The following USH2A variants were observed in gnomAD, a reference collection of about 807,000 sequenced individuals.
USH2A encodes the protein Usher syndrome 2A (autosomal recessive, mild).
In USH2A, 443 loss-of-function variants were observed where a neutral mutation model predicts 538.9. That is an observed-to-expected ratio of 0.82 (90% CI 0.76 to 0.89). The LOEUF (loss-of-function observed/expected upper bound fraction) is 0.89, where lower values mean the gene tolerates loss of function less well. Ranked by LOEUF, USH2A falls within the 40% of genes least tolerant of loss-of-function variation. The pLI is 0.00. For missense variants in USH2A, 6,633 were observed against 6,324.8 expected (o/e 1.05, Z -1.65); for synonymous variants, 2,413 against 2,273.5 (o/e 1.06, Z -1.75).
chr1:215,631,988 T>G (rs1403172670), intron 70 of USH2A, among the ~76,000 whole-genome samples: 18 of 152,152 alleles, frequency 1.2e-4, no homozygotes, highest in Non-Finnish European at 2.4e-4. Context: ...GCATACAGGT[T>G]TTGTATTATA....
Position 216,246,866 on chromosome 1 carries a change from A to G in USH2A, c.2528T>C (p.Leu843Pro). ...NFYLRQNNSF[L>P]CLPCNCDKTG... The stretch of plus-strand genomic sequence containing the variant: ...CTTATCACAGTTGCAAGGCAGACAG[A>G]GGAAAGAATTATTTTGCCGTAGGTA... The change falls in exon 13 of 72, where the codon CTC becomes CCC. Residue 843 changes from leucine (L) to proline (P), a missense_variant. Coordinates refer to ENST00000307340, the MANE Select transcript of USH2A (RefSeq NM_206933.4). 6.2e-7 allele frequency: 1 copy of G among 1,614,172 alleles called. No individual in the cohort carries two copies. Among genetic ancestry groups the G allele is most frequent in the Non-Finnish European group, 8.5e-7 (1 of 1,179,990 alleles).
At chr1:215,667,712 A>G (rs1341421043) in intron 64 of USH2A, among the ~76,000 whole-genome samples, 1 of 152,050 alleles carries the variant, frequency 6.6e-6, no homozygotes, top group African/African-American at 2.4e-5. Context: ...AAAGAAGAAG[A>G]AGGAAAAAAA....
chr1:215,867,038 G>A lies in USH2A; in HGVS notation c.8814C>T (p.His2938=), dbSNP rs1357106973. The change falls in exon 44 of 72, where the codon CAC becomes CAT. Residue 2938 remains histidine (H), a synonymous_variant. Transcript: ENST00000307340. Reference sequence around the variant, plus strand: ...TAGCCCACCTCACGTCGATGGCTGTGTGGTTAAGGACACTCGCAGTGAGAT... The same window carrying A: ...TAGCCCACCTCACGTCGATGGCTGTATGGTTAAGGACACTCGCAGTGAGAT... ...GANLTASVLN[H]TAIDVRWAKP... is the part of the protein sequence containing the mutation. The A allele has an allele frequency of 1.2e-6, 2 of 1,614,148 alleles. No homozygotes were observed. The highest frequency in any genetic ancestry group is 2.2e-5 in the East Asian group (1 of 44,874).
At position 216,121,867 on chromosome 1, in the gene USH2A, C is replaced by A. The variant is rs530365112; in HGVS notation, c.4628-24654G>T. Among the ~76,000 whole-genome samples, 6 of 152,220 alleles carry A rather than the reference C, an allele frequency of 3.9e-5. No homozygotes were observed. The East Asian group carries it at 1.2e-3, about 29-fold the overall frequency. On this transcript the variant is annotated intron_variant, in intron 21 of 71. Coordinates refer to ENST00000307340, the MANE Select transcript of USH2A (RefSeq NM_206933.4). ...TTTATATTTCATAAAAATTCTGCAA[C>A]CTTTACCTGTCTACTGTCCTAAATA...
chr1:216,164,599 G>A (rs2034130859), intron 21 of USH2A, among the ~76,000 whole-genome samples: 1 of 152,074 alleles, frequency 6.6e-6, no homozygotes, highest in Non-Finnish European at 1.5e-5. Flanking sequence ...AAATAGATGT[G>A]GAGAAATGAG....
intron 37 of USH2A, among the ~76,000 whole-genome samples, chr1:215,951,249 T>C (rs1172596450): frequency 6.6e-6 from 1 of 152,234 alleles, no homozygotes; most frequent in Non-Finnish European, 1.5e-5. Context: ...TTCTGGTATG[T>C]TGTGTCTTTG....
intron 11 of USH2A, among the ~76,000 whole-genome samples, chr1:216,284,171 T>C (rs2036837917): frequency 6.6e-6 from 1 of 152,146 alleles, no homozygotes; most frequent in African/African-American, 2.4e-5. Flanking sequence ...ATTATTTCTG[T>C]TTCCAAAGAA....
intron 22 of USH2A, among the ~76,000 whole-genome samples, chr1:216,094,087 A>C (rs2032379272): frequency 6.6e-6 from 1 of 152,176 alleles, no homozygotes; most frequent in African/African-American, 2.4e-5. Context: ...CTTCTTCTTA[A>C]ATATCTCCAG....
intron 41 of USH2A, among the ~76,000 whole-genome samples, chr1:215,884,919 C>T (rs1330408667): frequency 6.6e-6 from 1 of 152,168 alleles, no homozygotes; most frequent in Non-Finnish European, 1.5e-5. Context: ...GAGGAGCTGA[C>T]AGCTGCAGGA....
chr1:215,681,142 G>C (rs1221769337), intron 61 of USH2A, among the ~76,000 whole-genome samples: 1 of 152,096 alleles, frequency 6.6e-6, no homozygotes, highest in Admixed American at 6.5e-5. Flanking sequence ...TTTAAAATTT[G>C]TTTGTTTTTC....
rs72739300 is a variant in USH2A, at chr1:215,696,431, G to A, written c.12067-16055C>T. Among the ~76,000 whole-genome samples, 882 of 152,238 alleles carry A rather than the reference G, an allele frequency of 5.8e-3. 4 individuals carry two copies. The highest frequency in any genetic ancestry group is 9.7e-3 in the Non-Finnish European group (659 of 68,018). ...GAAACTGGAAAACTGTCAGAACTGA[G>A]TTTCTCTCTCTGTCACTCAGGGGCT... On this transcript the variant is annotated intron_variant, in intron 61 of 71. Transcript: ENST00000307340.
Position 215,680,222 on chromosome 1 carries a change from A to G in USH2A, c.12221T>C (p.Val4074Ala), listed in dbSNP as rs1339843774. The G allele has an allele frequency of 2.5e-6, 4 of 1,613,988 alleles. No individual in the cohort carries two copies. Among genetic ancestry groups the G allele is most frequent in the South Asian group, 1.1e-5 (1 of 91,084 alleles). ...SSPSGLRNFI[V>A]EQKENGRALL... ...TGCCCGGCCATTCTCTTTCTGTTCT[A>G]CTATAAAGTTTCTCAGTCCACTTGG... Residue 4074 changes from valine (V) to alanine (A), a missense_variant, in exon 62 of 72, where the codon GTA (valine) becomes GCA (alanine). Transcript: ENST00000307340.
chr1:215,874,116 C>T (rs1025074440), intron 43 of USH2A, among the ~76,000 whole-genome samples: 4 of 152,098 alleles, frequency 2.6e-5, no homozygotes, highest in East Asian at 1.9e-4. Flanking sequence ...AGGAGGTCGC[C>T]GCCCTCTTGT....
chr1:215,898,603 TC>T lies in USH2A; in HGVS notation c.7594+1471del, dbSNP rs142992613. 3.7e-4 allele frequency among the ~76,000 whole-genome samples: 56 copies of T among 152,252 alleles called. No individual in the cohort carries two copies. The East Asian group carries it at 0.01, about 28-fold the overall frequency. On this transcript the variant is annotated intron_variant, in intron 40 of 71. Transcript: ENST00000307340. The stretch of plus-strand genomic sequence containing the variant: ...GCTGTGCCAAAAAAAAAATGCTTTC[TC>T]CCTTCTTCCAAGCATTCTATTGAGC...
chr1:216,136,365 G>A (rs540195494), intron 21 of USH2A, among the ~76,000 whole-genome samples: 4 of 152,264 alleles, frequency 2.6e-5, no homozygotes, highest in African/African-American at 9.6e-5. Context: ...AGTTATTAAA[G>A]CTTTTGAAAT....
Position 215,675,429 on chromosome 1 carries a change from G to A in USH2A, c.12482C>T (p.Pro4161Leu). Residue 4161 changes from proline to leucine, a missense_variant, in exon 63 of 72, where the codon CCT becomes CTT. By Grantham distance (98) the Pro-to-Leu change is moderately conservative. Coordinates refer to ENST00000307340, the MANE Select transcript of USH2A (RefSeq NM_206933.4). ...GGTGGACTTCACAGAGTGGACAGTA[G>A]GAGCCAGCTGAGAGTCTGGAGGGGC... Reference protein sequence around the residue: ...DEAPPDSQLAPTVHSVKSTSV... With the variant: ...DEAPPDSQLALTVHSVKSTSV... The A allele has an allele frequency of 6.2e-7, 1 of 1,614,060 alleles. No homozygotes were observed. The highest frequency in any genetic ancestry group is 2.2e-5 in the East Asian group (1 of 44,876).
At position 216,421,765 on chromosome 1, in the gene USH2A, C is replaced by T. The variant is rs1398058265; in HGVS notation, c.485+87G>A. 4 of 1,598,290 alleles carry T rather than the reference C, an allele frequency of 2.5e-6. No individual in the cohort carries two copies. The South Asian group carries it at 3.3e-5, about 13-fold the overall frequency. On this transcript the variant is annotated intron_variant, in intron 2 of 71. Coordinates refer to ENST00000307340, the MANE Select transcript of USH2A (RefSeq NM_206933.4). ...TACCATGAATTCTATATAGCCTTCA[C>T]TTCCGGTTTGGAATTCAGGCTGAAA...
intron 61 of USH2A, among the ~76,000 whole-genome samples, chr1:215,723,770 A>T (rs1659728963): frequency 6.6e-6 from 1 of 152,208 alleles, no homozygotes; most frequent in Admixed American, 6.5e-5. Context: ...CCTGGTGCAG[A>T]AATTAGATAA....
At chr1:215,862,836 G>A (rs568847739) in intron 44 of USH2A, among the ~76,000 whole-genome samples, 67 of 152,206 alleles carry the variant, frequency 4.4e-4, no homozygotes, top group African/African-American at 9.1e-4. Flanking sequence ...ATTCTAGGTC[G>A]TAGTGCCAAA....
Sources: gnomAD v4.1 joint callset for allele counts (sites outside exome capture counted in the v4.1 genomes callset) on GRCh38, gnomAD v4.1.1 for gene constraint, MANE v1.5 for transcripts, NCBI Gene and HGNC (gene_info 2026-07-23, HGNC 2026-07-21) for gene names.